Variants in KDM4C observed in about 807,000 individuals in gnomAD.
KDM4C encodes the protein lysine demethylase 4C.
A neutral mutation model predicts 129.3 loss-of-function variants in KDM4C; 81 were observed. That is an observed-to-expected ratio of 0.63 (90% CI 0.52 to 0.75). The LOEUF is 0.75. KDM4C is among the 30% of genes least tolerant of loss of function. The probability of loss-of-function intolerance (pLI) is 0.00; values close to 1 mark genes in which losing one functional copy is unlikely to be tolerated. For missense variants in KDM4C, 1,457 were observed against 1,304.0 expected (o/e 1.12, Z -1.81); for synonymous variants, 573 against 456.1 (o/e 1.26, Z -3.26).
chr9:7,127,047 T>TGATG (rs1840098611), intron 18 of KDM4C, among the ~76,000 whole-genome samples: 1 of 151,910 alleles, frequency 6.6e-6, no homozygotes, highest in Admixed American at 6.6e-5. Flanking sequence ...ATGGATGGAT[T>TGATG]GATGGATGGA....
At chr9:7,102,193 A>G (rs1359452487) in intron 17 of KDM4C, among the ~76,000 whole-genome samples, 4 of 152,112 alleles carry the variant, frequency 2.6e-5, no homozygotes, top group Admixed American at 2.0e-4. Flanking sequence ...ATCTAGATGT[A>G]TAAGGAAATC....
Position 7,169,868 on chromosome 9 carries a change from C to G in KDM4C, c.2972C>G (p.Pro991Arg). The change falls in exon 21 of 22, where the codon CCC (proline) becomes CGC (arginine). Residue 991 changes from proline (P) to arginine (R), a missense_variant. Coordinates refer to ENST00000381309, the MANE Select transcript of KDM4C (RefSeq NM_015061.6). ...ATCTACACTTTAGATGAAGAGTTAC[C>G]CAAGAGAGTGAAAGCTCGATTTGTA... is the stretch of plus-strand genomic sequence containing the variant. ...EDIYTLDEELPKRVKARFSTA... is the reference protein window; with the variant it reads ...EDIYTLDEELRKRVKARFSTA... 6.2e-7 allele frequency: 1 copy of G among 1,613,840 alleles called. No homozygotes were observed. The highest frequency in any genetic ancestry group is 8.5e-7 in the Non-Finnish European group (1 of 1,179,880).
intron 8 of KDM4C, among the ~76,000 whole-genome samples, chr9:6,961,060 T>G (rs1829963238): frequency 6.6e-6 from 1 of 152,246 alleles, no homozygotes. Context: ...TTTCTTAGGC[T>G]GACACTTAAA....
At chr9:6,927,121 A>ATCTG (rs1563826822) in intron 8 of KDM4C, among the ~76,000 whole-genome samples, 1 of 150,790 alleles carries the variant, frequency 6.6e-6, no homozygotes, top group East Asian at 2.1e-4. Context: ...CTATCTATCT[A>ATCTG]TCTATCTATC....
At chr9:6,742,126 C>T (rs1241716472) in intron 1 of KDM4C, among the ~76,000 whole-genome samples, 1 of 151,852 alleles carries the variant, frequency 6.6e-6, no homozygotes, top group East Asian at 1.9e-4. Context: ...GTGTGTGCCA[C>T]CATGCCTGGC....
intron 4 of KDM4C, among the ~76,000 whole-genome samples, chr9:6,832,094 T>G (rs569017033): frequency 1.3e-5 from 2 of 152,074 alleles, no homozygotes; most frequent in East Asian, 3.9e-4. Context: ...ATCCCAGCAC[T>G]CTGGGAGTCT....
intron 17 of KDM4C, among the ~76,000 whole-genome samples, chr9:7,067,754 C>T (rs1297793464): frequency 1.3e-5 from 2 of 152,064 alleles, no homozygotes; most frequent in African/African-American, 2.4e-5. Flanking sequence ...AGCTCCATGC[C>T]ACTTCACAGA....
chr9:7,015,856 G>A lies in KDM4C; in HGVS notation c.2186G>A (p.Cys729Tyr). ...GATACATACTATTATTTTATAGGTT[G>A]TTATGGTATTCCTTCTCATGAGATC... ...AKCCVRVHAS[C>Y]YGIPSHEICD... Residue 729 changes from cysteine to tyrosine, a missense_variant, in exon 15 of 22, where the codon TGT (cysteine) becomes TAT (tyrosine). By Grantham distance (194) the Cys-to-Tyr change is radical. Coordinates refer to ENST00000381309, the MANE Select transcript of KDM4C (RefSeq NM_015061.6). 1.2e-6 allele frequency: 2 copies of A among 1,608,782 alleles called. No individual in the cohort carries two copies. Among genetic ancestry groups the A allele is most frequent in the Non-Finnish European group, 1.7e-6 (2 of 1,175,402 alleles).
At chr9:7,052,582 T>C (rs1830295115) in intron 17 of KDM4C, among the ~76,000 whole-genome samples, 1 of 152,196 alleles carries the variant, frequency 6.6e-6, no homozygotes, top group Admixed American at 6.5e-5. Flanking sequence ...CTTATCTGCA[T>C]CACAGGAGAC....
intron 4 of KDM4C, among the ~76,000 whole-genome samples, chr9:6,824,691 C>G (rs948078940): frequency 6.7e-6 from 1 of 148,768 alleles, no homozygotes; most frequent in East Asian, 2.0e-4. Context: ...TTCATTAAAA[C>G]AGTCCATTAT....
At chr9:6,926,039 A>G (rs1822445429) in intron 8 of KDM4C, among the ~76,000 whole-genome samples, 1 of 152,086 alleles carries the variant, frequency 6.6e-6, no homozygotes, top group African/African-American at 2.4e-5. Flanking sequence ...GCCGCTGCGA[A>G]CTGTAAAAGC....
chr9:6,725,223 C>T (rs1182059747), intron 1 of KDM4C, among the ~76,000 whole-genome samples: 1 of 151,968 alleles, frequency 6.6e-6, no homozygotes, highest in Non-Finnish European at 1.5e-5. Flanking sequence ...TAGCATGTTG[C>T]AGGGGTAGAG....
At chr9:7,009,060 C>T (rs1586879470) in intron 12 of KDM4C, among the ~76,000 whole-genome samples, 2 of 152,184 alleles carry the variant, frequency 1.3e-5, no homozygotes, top group Non-Finnish European at 2.9e-5. Context: ...TATAGATTTA[C>T]AAACTGCCTA....
chr9:6,999,958 A>G (rs149102138), intron 12 of KDM4C, among the ~76,000 whole-genome samples: 148 of 152,300 alleles, frequency 9.7e-4, no homozygotes, highest in African/African-American at 3.5e-3. Flanking sequence ...TAATAAGCAC[A>G]TTTATAGTTC....
chr9:6,976,115 C>T (rs939111384), intron 8 of KDM4C, among the ~76,000 whole-genome samples: 3 of 152,080 alleles, frequency 2.0e-5, no homozygotes, highest in Non-Finnish European at 4.4e-5. Flanking sequence ...TCTGAACTTG[C>T]ACAGATCTAT....
At chr9:6,751,863 G>A (rs1335321985) in intron 1 of KDM4C, among the ~76,000 whole-genome samples, 3 of 152,118 alleles carry the variant, frequency 2.0e-5, no homozygotes, top group Non-Finnish European at 4.4e-5. Flanking sequence ...TAGGGAGAAA[G>A]GGAAATATTA....
intron 19 of KDM4C, among the ~76,000 whole-genome samples, chr9:7,155,327 A>G (rs532644302): frequency 6.6e-6 from 1 of 152,132 alleles, no homozygotes; most frequent in Admixed American, 6.5e-5. Flanking sequence ...ACCTTTTGAT[A>G]TACTTAATTT....
At chr9:6,972,861 G>C (rs1832241666) in intron 8 of KDM4C, among the ~76,000 whole-genome samples, 1 of 152,176 alleles carries the variant, frequency 6.6e-6, no homozygotes, top group South Asian at 2.1e-4. Context: ...AATTTGGCTA[G>C]AGAGAAATTG....
At chr9:7,139,846 A>G (rs1841565396) in intron 19 of KDM4C, among the ~76,000 whole-genome samples, 1 of 152,212 alleles carries the variant, frequency 6.6e-6, no homozygotes, top group Non-Finnish European at 1.5e-5. Flanking sequence ...GCCTCAGAAG[A>G]CAATAATTTG....
Sources: allele counts gnomAD v4.1 joint callset (sites outside exome capture counted in the v4.1 genomes callset), GRCh38; gene constraint gnomAD v4.1.1; transcripts MANE v1.5; gene names NCBI Gene and HGNC (gene_info 2026-07-23, HGNC 2026-07-21).